Variants in DLG2 observed in about 807,000 individuals in gnomAD.
DLG2 encodes discs large MAGUK scaffold protein 2, also known as disks large homolog 2.
In DLG2, 45 loss-of-function variants were observed where a neutral mutation model predicts 132.5. That is an observed-to-expected ratio of 0.34 (90% CI 0.27 to 0.44). The LOEUF is 0.44. DLG2 is among the 20% of genes least tolerant of loss of function. The pLI is 1.00. For synonymous variants in DLG2, 424 were observed against 419.6 expected, an observed-to-expected ratio of 1.01 and a Z score of -0.13; for missense variants, 1,045 against 1,196.9, an observed-to-expected ratio of 0.87 and a Z score of 1.87.
At chr11:85,337,788 T>C (rs1045164858) in intron 3 of DLG2, among the ~76,000 whole-genome samples, 1 of 152,210 alleles carries the variant, frequency 6.6e-6, no homozygotes, top group Non-Finnish European at 1.5e-5. Context: ...TAATGACCCT[T>C]TTCTCAAATA....
chr11:85,088,939 A>G (rs2068342627), intron 6 of DLG2, among the ~76,000 whole-genome samples: 1 of 152,190 alleles, frequency 6.6e-6, no homozygotes, highest in South Asian at 2.1e-4. Context: ...ATCAGCTTAA[A>G]TAGCTCTGCT....
chr11:84,624,944 G>A (rs1005715506), intron 6 of DLG2, among the ~76,000 whole-genome samples: 2 of 133,838 alleles, frequency 1.5e-5, no homozygotes, highest in African/African-American at 3.0e-5. Flanking sequence ...TGCAAGCTCC[G>A]CCTCCCGGGT....
intron 6 of DLG2, among the ~76,000 whole-genome samples, chr11:85,064,904 CTT>C (rs1463939656): frequency 6.6e-6 from 1 of 151,544 alleles, no homozygotes; most frequent in Non-Finnish European, 1.5e-5. Flanking sequence ...CTCTCTCTCT[CTT>C]TCTCTCCTTC....
intron 3 of DLG2, among the ~76,000 whole-genome samples, chr11:85,401,310 A>C (rs1422342068): frequency 2.0e-5 from 3 of 152,188 alleles, no homozygotes; most frequent in Non-Finnish European, 2.9e-5. Flanking sequence ...AAAAACTCTC[A>C]ATAAACTAGG....
In DLG2 at chr11:84,550,115, TACACACAC is replaced by T. The variant is rs60598747; in HGVS notation, c.358-15392_358-15385del. On this transcript the variant is annotated intron_variant, in intron 6 of 27. Transcript: ENST00000376104. ...TTCCAAGTATTGTAAAACGAGCCTA[TACACACAC>T]ACACACACACACACACACACACACA... Among the ~76,000 whole-genome samples the T allele has an allele frequency of 3.2e-3, 468 of 145,922 alleles. 1 individual carries two copies. The highest frequency in any genetic ancestry group is 9.6e-3 in the African/African-American group (380 of 39,634).
At chr11:83,831,433 T>A (rs1478088083) in intron 17 of DLG2, among the ~76,000 whole-genome samples, 1 of 152,024 alleles carries the variant, frequency 6.6e-6, no homozygotes, top group Non-Finnish European at 1.5e-5. Context: ...CAGTGACACA[T>A]ACGACAAGGC....
chr11:84,426,159 T>A (rs1269409897), intron 7 of DLG2, among the ~76,000 whole-genome samples: 1 of 152,156 alleles, frequency 6.6e-6, no homozygotes, highest in African/African-American at 2.4e-5. Flanking sequence ...TGCTTGAAAC[T>A]CCTCAATATT....
chr11:84,280,265 C>T (rs938851416), intron 7 of DLG2, among the ~76,000 whole-genome samples: 16 of 151,182 alleles, frequency 1.1e-4, no homozygotes, highest in South Asian at 4.2e-4. Flanking sequence ...ATGCAATTTA[C>T]GACAAATTTT....
intron 19 of DLG2, among the ~76,000 whole-genome samples, chr11:83,587,568 G>T (rs551802119): frequency 4.3e-4 from 65 of 152,274 alleles, no homozygotes; most frequent in African/African-American, 1.5e-3. Context: ...CTACTTTTAG[G>T]AGATAGTGAA....
intron 19 of DLG2, among the ~76,000 whole-genome samples, chr11:83,616,257 AC>A (rs750198387): frequency 1.2e-4 from 18 of 152,146 alleles, no homozygotes; most frequent in Admixed American, 6.5e-4. Context: ...TTGGGTATAT[AC>A]CTAGGGATAG....
At chr11:85,470,145 G>T (rs1417111263) in intron 3 of DLG2, among the ~76,000 whole-genome samples, 2 of 136,352 alleles carry the variant, frequency 1.5e-5, no homozygotes, top group Non-Finnish European at 3.1e-5. Flanking sequence ...TACCAACAAT[G>T]TAAAAAAAAA....
At chr11:85,265,346 A>G (rs1210186669) in intron 4 of DLG2, among the ~76,000 whole-genome samples, 1 of 152,248 alleles carries the variant, frequency 6.6e-6, no homozygotes, top group African/African-American at 2.4e-5. Context: ...TTCCATCTTC[A>G]AAACAATCAT....
At chr11:84,031,056 A>C (rs1250710741) in intron 11 of DLG2, among the ~76,000 whole-genome samples, 2 of 152,092 alleles carry the variant, frequency 1.3e-5, no homozygotes, top group Non-Finnish European at 2.9e-5. Context: ...CATAGTCTTG[A>C]GTTTGCCAGC....
intron 21 of DLG2, among the ~76,000 whole-genome samples, chr11:83,530,992 A>G (rs1383454602): frequency 6.6e-6 from 1 of 152,050 alleles, no homozygotes; most frequent in Non-Finnish European, 1.5e-5. Context: ...CCTAACTCAT[A>G]CAACGTACAA....
intron 6 of DLG2, among the ~76,000 whole-genome samples, chr11:84,847,518 A>G (rs1404687711): frequency 1.3e-5 from 2 of 152,150 alleles, no homozygotes; most frequent in South Asian, 2.1e-4. Flanking sequence ...CCAGTTTTCA[A>G]GCACAATCTA....
chr11:84,606,548 C>T (rs1465653525), intron 6 of DLG2, among the ~76,000 whole-genome samples: 5 of 151,950 alleles, frequency 3.3e-5, no homozygotes. Context: ...AAAATAAGTA[C>T]AATTGCAAAA....
At chr11:84,650,755 G>A (rs2099680543) in intron 6 of DLG2, among the ~76,000 whole-genome samples, 1 of 151,298 alleles carries the variant, frequency 6.6e-6, no homozygotes, top group Non-Finnish European at 1.5e-5. Flanking sequence ...AGTATATACT[G>A]ATCACAGTAT....
intron 7 of DLG2, among the ~76,000 whole-genome samples, chr11:84,398,184 T>C (rs2098817245): frequency 6.6e-6 from 1 of 152,196 alleles, no homozygotes; most frequent in Admixed American, 6.5e-5. Context: ...CAAATATGAT[T>C]GTGACAAGAT....
intron 8 of DLG2, among the ~76,000 whole-genome samples, chr11:84,217,636 G>A (rs955656695): frequency 6.6e-6 from 1 of 152,200 alleles, no homozygotes; most frequent in Non-Finnish European, 1.5e-5. Flanking sequence ...TGGGGGAGAA[G>A]GGATTATGTG....
Sources: gnomAD v4.1 joint callset for allele counts (sites outside exome capture counted in the v4.1 genomes callset) on GRCh38, gnomAD v4.1.1 for gene constraint, MANE v1.5 for transcripts, NCBI Gene and HGNC (gene_info 2026-07-23, HGNC 2026-07-21) for gene names.